KIF21A: variants seen among roughly 807,000 people sequenced by gnomAD.
The protein encoded by KIF21A is kinesin-like protein KIF21A.
A neutral mutation model predicts 202.9 loss-of-function variants in KIF21A; 114 were observed. The observed-to-expected ratio is 0.56, with a 90% CI of 0.48 to 0.66. The LOEUF (loss-of-function observed/expected upper bound fraction) is 0.66, where lower values mean the gene tolerates loss of function less well. Among genes scored for constraint, KIF21A ranks in the 30% least tolerant of loss-of-function variants. KIF21A has a pLI of 0.00. For missense variants in KIF21A, 1,677 were observed against 1,994.9 expected (o/e 0.84, Z 3.04); for synonymous variants, 667 against 670.8 (o/e 0.99, Z 0.09).
chr12:39,425,100 T>G (rs73088817), intron 1 of KIF21A, among the ~76,000 whole-genome samples: 4,085 of 152,288 alleles, frequency 0.027, 75 homozygotes, highest in Non-Finnish European at 0.041. Flanking sequence ...TTTGCTGGAA[T>G]GCTGTTCTCT....
chr12:39,395,518 G>A (rs1258113399), intron 1 of KIF21A, among the ~76,000 whole-genome samples: 1 of 151,982 alleles, frequency 6.6e-6, no homozygotes, highest in Non-Finnish European at 1.5e-5. Flanking sequence ...TGTGTTCTAC[G>A]ACCATAACCT....
intron 29 of KIF21A, among the ~76,000 whole-genome samples, chr12:39,316,843 T>G (rs967332625): frequency 1.3e-5 from 2 of 151,984 alleles, no homozygotes; most frequent in African/African-American, 4.8e-5. Context: ...GACAACAGAG[T>G]CAAATTATTG....
Position 39,340,191 on chromosome 12 carries a change from C to T in KIF21A, c.2284G>A (p.Asp762Asn). ...TTTGTTTTTTTCATTTCCATCACATCCTGCTGCAATTTCTTCAATTGCTTT... is the reference window on the plus strand; with the variant it reads ...TTTGTTTTTTTCATTTCCATCACATTCTGCTGCAATTTCTTCAATTGCTTT... ...YEKQLKKLQQ[D>N]VMEMKKTKVR... Residue 762 changes from aspartate to asparagine, a missense_variant, in exon 16 of 38, where the codon GAT becomes AAT. Physicochemically the swap from Asp to Asn is conservative, Grantham distance 23. Transcript: ENST00000361418. 6.2e-7 allele frequency: 1 copy of T among 1,612,742 alleles called. No individual in the cohort carries two copies. The highest frequency in any genetic ancestry group is 8.5e-7 in the Non-Finnish European group (1 of 1,179,378).
chr12:39,314,491 T>A (rs1364401388), intron 31 of KIF21A, among the ~76,000 whole-genome samples: 3 of 151,926 alleles, frequency 2.0e-5, no homozygotes, highest in African/African-American at 7.2e-5. Context: ...AGGTTGCTAC[T>A]GTTAATTCTC....
chr12:39,326,164 T>A, intron 25 of KIF21A, 100 bp downstream of exon 25: 1 of 941,026 alleles, frequency 1.1e-6, no homozygotes, highest in Non-Finnish European at 1.7e-6. Context: ...GGCCATTAGA[T>A]TGAAAATTAT....
intron 1 of KIF21A, among the ~76,000 whole-genome samples, chr12:39,387,696 A>G (rs1029118641): frequency 2.6e-5 from 4 of 152,160 alleles, no homozygotes; most frequent in African/African-American, 9.7e-5. Context: ...AGTAGATGGC[A>G]AAGAAATTAG....
Position 39,337,217 on chromosome 12 carries a change from TA to T in KIF21A, c.2311-15del. 6 of 1,472,764 alleles carry T rather than the reference TA, an allele frequency of 4.1e-6. No homozygotes were observed. The highest frequency in any genetic ancestry group is 5.7e-6 in the Non-Finnish European group (6 of 1,053,362). 91.2% of individuals were successfully genotyped at this position (1,472,764 alleles called of 1,614,324 possible). A position where few individuals can be genotyped will look rare whatever the true frequency, so the allele number is the denominator to read the frequency against. On this transcript the variant is annotated splice_polypyrimidine_tract_variant and intron_variant, in intron 16 of 37. Transcript: ENST00000361418. ...CATTAGGCGAACCTAACCAATTAGG[TA>T]TAGACATCTATTGAAATTACTCTGT...
At chr12:39,388,616 A>G (rs944723809) in intron 1 of KIF21A, among the ~76,000 whole-genome samples, 1 of 152,136 alleles carries the variant, frequency 6.6e-6, no homozygotes, top group Non-Finnish European at 1.5e-5. Flanking sequence ...GACTGCAATA[A>G]TAATTTCTCT....
chr12:39,388,359 A>C (rs1951099750), intron 1 of KIF21A, among the ~76,000 whole-genome samples: 1 of 152,212 alleles, frequency 6.6e-6, no homozygotes, highest in African/African-American at 2.4e-5. Flanking sequence ...CCTCACCAGA[A>C]GCAATGCTTC....
intron 27 of KIF21A, 135 bp from the exon 28 acceptor site, chr12:39,320,148 AAACT>A (rs1468389371): frequency 4.2e-5 from 26 of 612,050 alleles, no homozygotes; most frequent in Non-Finnish European, 5.8e-5. Context: ...ACAAAAAATA[AAACT>A]AACATAGGAA....
chr12:39,437,177 T>C (rs1370819287), intron 1 of KIF21A, among the ~76,000 whole-genome samples: 2 of 152,196 alleles, frequency 1.3e-5, no homozygotes, highest in South Asian at 2.1e-4. Context: ...CTACGATCAT[T>C]TCTGCTTTCA....
intron 1 of KIF21A, among the ~76,000 whole-genome samples, chr12:39,417,754 G>C (rs917752588): frequency 6.6e-6 from 1 of 151,926 alleles, no homozygotes; most frequent in African/African-American, 2.4e-5. Context: ...ACCTGAACTA[G>C]GGCAGCAACA....
rs1306091236 is a variant in KIF21A at position 39,294,451 on chromosome 12, A to G, written c.4998T>C (p.Asp1666=). 1.9e-6 allele frequency: 3 copies of G among 1,613,670 alleles called. No individual in the cohort carries two copies. The African/African-American group carries it at 4.0e-5, about 22-fold the overall frequency. Residue 1666 remains aspartate, a synonymous_variant, in exon 38 of 38, where the codon GAT becomes GAC. Coordinates refer to ENST00000361418, the MANE Select transcript of KIF21A (RefSeq NM_001173464.2). ...LQDGQISDTG[D]LGEDIASN Reference sequence around the variant, plus strand: ...AATTACTGGCAATATCTTCCCCCAGATCTCCTGTGTCAGAGATCTGACCAT... The same window carrying G: ...AATTACTGGCAATATCTTCCCCCAGGTCTCCTGTGTCAGAGATCTGACCAT...
intron 24 of KIF21A, among the ~76,000 whole-genome samples, chr12:39,329,671 C>T (rs139912104): frequency 3.3e-5 from 5 of 152,182 alleles, no homozygotes; most frequent in Middle Eastern, 3.4e-3. Flanking sequence ...CTTGATAACA[C>T]ATGGAATGCA....
intron 13 of KIF21A, 95 bp downstream of exon 13, chr12:39,341,939 G>A: frequency 2.4e-6 from 2 of 839,326 alleles, no homozygotes; most frequent in Non-Finnish European, 4.1e-6. Flanking sequence ...ATCATAAGCA[G>A]TTCACTTTTC....
chr12:39,316,046 A>T, intron 29 of KIF21A, 76 bp from the exon 30 acceptor site: 1 of 943,256 alleles, frequency 1.1e-6, no homozygotes, highest in Non-Finnish European at 1.8e-6. Flanking sequence ...TTGGACTCAA[A>T]ATCAACAGCA....
Position 39,311,447 on chromosome 12 carries a change from T to C in KIF21A, c.4066A>G (p.Thr1356Ala). The change falls in exon 32 of 38, where the codon ACT becomes GCT. Residue 1356 changes from threonine to alanine, a missense_variant. Around this residue, in one of 3 missense-constraint regions of KIF21A, gnomAD observed 705 missense variants for 791.9 expected, o/e 0.89. Coordinates refer to ENST00000361418, the MANE Select transcript of KIF21A (RefSeq NM_001173464.2). ...HTKAVLCVDS[T>A]DDLLFTGSKD... Reference sequence around the variant, plus strand: ...GATCCAGTGAAGAGGAGATCATCAGTAGAATCCACACAGAGCACAGCTTTT... The same window carrying C: ...GATCCAGTGAAGAGGAGATCATCAGCAGAATCCACACAGAGCACAGCTTTT... 8.7e-6 allele frequency: 14 copies of C among 1,613,148 alleles called. No individual in the cohort carries two copies. Among genetic ancestry groups the C allele is most frequent in the Non-Finnish European group, 9.3e-6 (11 of 1,179,224 alleles).
Position 39,318,065 on chromosome 12 carries a change from T to C in KIF21A, c.3908+8A>G, listed in dbSNP as rs1365243165. The C allele has an allele frequency of 6.2e-7, 1 of 1,611,338 alleles. No individual in the cohort carries two copies. Among genetic ancestry groups the C allele is most frequent in the Non-Finnish European group, 8.5e-7 (1 of 1,178,002 alleles). On this transcript the variant is annotated splice_region_variant and intron_variant, in intron 29 of 37. Transcript: ENST00000361418. ...AAATAATTGGGGCTCTTTTCCATAA[T>C]GACTTACTTATCCTGCTGAACTGAT...
intron 1 of KIF21A, among the ~76,000 whole-genome samples, chr12:39,381,177 G>A (rs1006568336): frequency 6.6e-5 from 10 of 151,402 alleles, no homozygotes; most frequent in Admixed American, 1.3e-4. Flanking sequence ...GCGTGGTGGC[G>A]GGCGCCTGTA....
Sources: allele counts gnomAD v4.1 joint callset (sites outside exome capture counted in the v4.1 genomes callset), GRCh38; gene constraint gnomAD v4.1.1; regional missense constraint gnomAD v4.1.1; transcripts MANE v1.5; gene names NCBI Gene and HGNC (gene_info 2026-07-23, HGNC 2026-07-21).